The following METAP1D variants were observed in gnomAD, a reference collection of about 807,000 sequenced individuals.
METAP1D encodes the protein methionyl aminopeptidase type 1D, mitochondrial.
In METAP1D, 31 loss-of-function variants were observed where a neutral mutation model predicts 40.5. The ratio of observed to expected loss-of-function variants is 0.77; its 90% CI spans 0.58 to 1.03. The LOEUF is 1.03. Ranked by LOEUF, METAP1D falls within the 50% of genes least tolerant of loss-of-function variation. The probability of loss-of-function intolerance (pLI) is 0.00; values close to 1 mark genes in which losing one functional copy is unlikely to be tolerated. For missense variants in METAP1D, 411 were observed against 420.7 expected, an observed-to-expected ratio of 0.98 and a Z score of 0.20; for synonymous variants, 151 against 146.4, an observed-to-expected ratio of 1.03 and a Z score of -0.22.
At chr2:172,046,163 G>A (rs79318954) in intron 1 of METAP1D, among the ~76,000 whole-genome samples, 1 of 150,606 alleles carries the variant, frequency 6.6e-6, no homozygotes, top group East Asian at 1.9e-4. Context: ...TGAAACATAT[G>A]TTCAAAGTCT....
At chr2:172,029,367 A>T (rs960794998) in intron 1 of METAP1D, among the ~76,000 whole-genome samples, 1 of 152,220 alleles carries the variant, frequency 6.6e-6, no homozygotes, top group African/African-American at 2.4e-5. Context: ...AGTTTGCAGT[A>T]AGCTGAGATC....
At chr2:172,021,125 C>A (rs1226226627) in intron 1 of METAP1D, among the ~76,000 whole-genome samples, 1 of 152,142 alleles carries the variant, frequency 6.6e-6, no homozygotes, top group Non-Finnish European at 1.5e-5. Flanking sequence ...AAAACCTCTT[C>A]TATTATCTCC....
At chr2:172,048,605 T>C (rs1179007375) in intron 1 of METAP1D, among the ~76,000 whole-genome samples, 4 of 152,178 alleles carry the variant, frequency 2.6e-5, no homozygotes, top group African/African-American at 9.6e-5. Context: ...ACAAGCAAAA[T>C]ATAAAATTTT....
Position 172,080,204 on chromosome 2 carries a change from A to G in METAP1D, c.927A>G (p.Gln309=). 1 of 1,614,212 alleles carries G rather than the reference A, an allele frequency of 6.2e-7. No homozygotes were observed. The highest frequency in any genetic ancestry group is 8.5e-7 in the Non-Finnish European group (1 of 1,180,010). The change falls in exon 9 of 10, where the codon CAA becomes CAG. Residue 309 remains glutamine (Q), a splice_region_variant and synonymous_variant. Transcript: ENST00000315796. The part of the protein sequence containing the change: ...DAWTVVSLDN[Q]RSAQFEHTVL... Reference sequence around the variant, plus strand: ...GGACTGTGGTCTCCCTAGACAATCAAAGGTGTTTGCTTTCTGCTCTGTTGC... The same window carrying G: ...GGACTGTGGTCTCCCTAGACAATCAGAGGTGTTTGCTTTCTGCTCTGTTGC...
rs1457990833 is a variant in METAP1D at position 172,034,403 on chromosome 2, TTTTG to T, written c.41-27093_41-27090del. 6.1e-5 allele frequency among the ~76,000 whole-genome samples: 8 copies of T among 130,736 alleles called. No individual in the cohort carries two copies. The East Asian group carries it at 2.0e-3, about 33-fold the overall frequency. 85.8% of individuals were successfully genotyped at this position (130,736 alleles called of 152,430 possible). ...TTCATTAGCCTCCATAAGTCTCAGT[TTTTG>T]TGTGTGTGTGTGTGTGTGTGTGTGT... is the stretch of plus-strand genomic sequence containing the variant. On this transcript the variant is annotated intron_variant, in intron 1 of 9. Transcript: ENST00000315796.
At chr2:172,023,462 A>C (rs925584744) in intron 1 of METAP1D, among the ~76,000 whole-genome samples, 3 of 152,230 alleles carry the variant, frequency 2.0e-5, no homozygotes, top group Non-Finnish European at 4.4e-5. Context: ...ACATATTTTT[A>C]TAAGTACTGG....
intron 1 of METAP1D, among the ~76,000 whole-genome samples, chr2:172,020,194 C>A (rs1688972894): frequency 6.6e-6 from 1 of 152,020 alleles, no homozygotes; most frequent in African/African-American, 2.4e-5. Context: ...ACCATGTTGG[C>A]CAGGATGGTC....
chr2:172,003,705 C>T (rs997894088), intron 1 of METAP1D, among the ~76,000 whole-genome samples: 1 of 152,106 alleles, frequency 6.6e-6, no homozygotes, highest in Non-Finnish European at 1.5e-5. Context: ...ATTACCCAGT[C>T]TCAGGAATTT....
intron 1 of METAP1D, among the ~76,000 whole-genome samples, chr2:172,014,931 C>T (rs35250875): frequency 0.021 from 3,233 of 152,248 alleles, 46 homozygotes; most frequent in African/African-American, 0.03. Context: ...GGATTACAGG[C>T]GTCAGCCACT....
At chr2:172,065,777 G>A (rs200059583) in intron 4 of METAP1D, 25 bp downstream of exon 4, 136 of 1,604,414 alleles carry the variant, frequency 8.5e-5, no homozygotes, top group Non-Finnish European at 1.4e-5. Context: ...ATAACATATT[G>A]TTCCTTTGGA....
At chr2:172,026,344 G>A (rs1481364287) in intron 1 of METAP1D, among the ~76,000 whole-genome samples, 1 of 152,096 alleles carries the variant, frequency 6.6e-6, no homozygotes, top group African/African-American at 2.4e-5. Flanking sequence ...TCAGATTCAA[G>A]TTCAGTTTTC....
chr2:172,077,955 C>T, intron 7 of METAP1D, 61 bp downstream of exon 7: 1 of 915,436 alleles, frequency 1.1e-6, no homozygotes, highest in African/African-American at 1.7e-5. Flanking sequence ...CAGCTTTGAC[C>T]CTGAAGCTCT....
Position 172,065,731 on chromosome 2 carries a change from T to G in METAP1D, c.476T>G (p.Leu159Arg). 2 of 1,613,928 alleles carry G rather than the reference T, an allele frequency of 1.2e-6. No individual in the cohort carries two copies. Among genetic ancestry groups the G allele is most frequent in the South Asian group, 2.2e-5 (2 of 91,052 alleles). ...GTTTGTACCTCTGTAAACAACGTGC[T>G]CTGTCATGGTATTCCTGACAGGTAT... is the stretch of plus-strand genomic sequence containing the variant. ...KSVCTSVNNV[L>R]CHGIPDSRPL... Residue 159 changes from leucine (L) to arginine (R), a missense_variant, in exon 4 of 10, where the codon CTC (leucine) becomes CGC (arginine). By Grantham distance (102) the Leu-to-Arg change is moderately radical (BLOSUM62 -2). Coordinates refer to ENST00000315796, the MANE Select transcript of METAP1D (RefSeq NM_199227.3).
chr2:172,079,543 C>G (rs1690647781), intron 8 of METAP1D, among the ~76,000 whole-genome samples: 1 of 152,148 alleles, frequency 6.6e-6, no homozygotes, highest in Non-Finnish European at 1.5e-5. Context: ...TTCATTAACA[C>G]CCAGTAACTA....
At chr2:172,025,288 T>C (rs1005431776) in intron 1 of METAP1D, among the ~76,000 whole-genome samples, 1 of 151,936 alleles carries the variant, frequency 6.6e-6, no homozygotes, top group Non-Finnish European at 1.5e-5. Flanking sequence ...GGGTATTATA[T>C]TAACTGAGAA....
At chr2:172,047,245 AAAG>A (rs138711702) in intron 1 of METAP1D, among the ~76,000 whole-genome samples, 4,691 of 152,284 alleles carry the variant, frequency 0.031, 254 homozygotes, top group African/African-American at 0.11. Flanking sequence ...ATTTTTATGC[AAAG>A]AAGACTTCTT....
At chr2:172,079,169 T>C in intron 7 of METAP1D, 46 bp from the exon 8 acceptor site, 1 of 1,599,394 alleles carries the variant, frequency 6.3e-7, no homozygotes. Context: ...TTTTTTTCTG[T>C]CCTCCCCATT....
At chr2:172,043,795 G>A (rs1217655536) in intron 1 of METAP1D, among the ~76,000 whole-genome samples, 1 of 135,132 alleles carries the variant, frequency 7.4e-6, no homozygotes, top group African/African-American at 2.5e-5. Context: ...TAAAGAAGAC[G>A]TTAAATATTT....
At chr2:172,059,274 A>C (rs1031399376) in intron 1 of METAP1D, among the ~76,000 whole-genome samples, 1 of 151,778 alleles carries the variant, frequency 6.6e-6, no homozygotes, top group African/African-American at 2.4e-5. Context: ...ATGCCCGGCT[A>C]ATTTTTGTAT....
Sources: gnomAD v4.1 joint callset for allele counts (sites outside exome capture counted in the v4.1 genomes callset) on GRCh38, gnomAD v4.1.1 for gene constraint, MANE v1.5 for transcripts, NCBI Gene and HGNC (gene_info 2026-07-23, HGNC 2026-07-21) for gene names.